KMT2C: variants seen among roughly 807,000 people sequenced by gnomAD.
KMT2C encodes lysine methyltransferase 2C.
Under a neutral mutation model 507.9 loss-of-function variants are expected in KMT2C, and 88 were observed. The observed-to-expected ratio is 0.17, with a 90% CI of 0.15 to 0.21. KMT2C has a LOEUF of 0.21. Among genes scored for constraint, KMT2C ranks in the 10% least tolerant of loss-of-function variants. KMT2C has a pLI of 1.00. For synonymous variants in KMT2C, 2,049 were observed against 2,080.8 expected (o/e 0.98, Z 0.42); for missense variants, 4,954 against 5,957.8 (o/e 0.83, Z 5.55).
chr7:152,229,147 T>C lies in KMT2C; in HGVS notation c.2976+776A>G, dbSNP rs528093979. On this transcript the variant is annotated intron_variant, in intron 18 of 58. Coordinates refer to ENST00000262189, the MANE Select transcript of KMT2C (RefSeq NM_170606.3). ...ATGGTTCACAACCTGTTACTGAAAC[T>C]GAGGTTAGTATTTATATTACATGGT... Among the ~76,000 whole-genome samples the C allele has an allele frequency of 4.6e-5, 7 of 152,292 alleles. No homozygotes were observed. The East Asian group carries it at 1.3e-3, about 29-fold the overall frequency.
At chr7:152,384,585 C>CACTAAAACCACA (rs2097405737) in intron 1 of KMT2C, among the ~76,000 whole-genome samples, 2 of 149,858 alleles carry the variant, frequency 1.3e-5, no homozygotes, top group African/African-American at 4.9e-5. Context: ...CCACCACCAC[C>CACTAAAACCACA]ACCACCACCA....
chr7:152,220,477 C>T (rs1366402311), intron 23 of KMT2C, 46 bp downstream of exon 23: 2 of 1,404,360 alleles, frequency 1.4e-6, no homozygotes, highest in Admixed American at 1.7e-5. Flanking sequence ...ACTTTATATG[C>T]TTTAATTCTT....
intron 14 of KMT2C, among the ~76,000 whole-genome samples, chr7:152,243,417 A>G (rs1243420663): frequency 6.6e-6 from 1 of 152,186 alleles, no homozygotes; most frequent in Non-Finnish European, 1.5e-5. Context: ...ATATAAAGTA[A>G]ACTTCTTATA....
intron 6 of KMT2C, among the ~76,000 whole-genome samples, chr7:152,304,690 T>C (rs1164376622): frequency 6.6e-6 from 1 of 152,042 alleles, no homozygotes; most frequent in Non-Finnish European, 1.5e-5. Flanking sequence ...ATAATAAAGG[T>C]CAGCAAATTT....
At chr7:152,170,841 T>G (rs1398825025) in intron 40 of KMT2C, among the ~76,000 whole-genome samples, 1 of 152,176 alleles carries the variant, frequency 6.6e-6, no homozygotes, top group South Asian at 2.1e-4. Context: ...TTAAATATAA[T>G]GGGTTTAATT....
At chr7:152,174,563 A>G (rs2093109980) in intron 38 of KMT2C, among the ~76,000 whole-genome samples, 1 of 152,226 alleles carries the variant, frequency 6.6e-6, no homozygotes, top group African/African-American at 2.4e-5. Flanking sequence ...TAAATATAAC[A>G]TCACAAATAA....
At chr7:152,201,295 C>CACAGACACAG (rs1554522603) in intron 26 of KMT2C, among the ~76,000 whole-genome samples, 1 of 89,946 alleles carries the variant, frequency 1.1e-5, no homozygotes, top group South Asian at 3.5e-4. Flanking sequence ...CAGACACAGA[C>CACAGACACAG]ACACACACAC....
intron 1 of KMT2C, among the ~76,000 whole-genome samples, chr7:152,428,266 A>C (rs1322887535): frequency 6.6e-6 from 1 of 152,064 alleles, no homozygotes; most frequent in Non-Finnish European, 1.5e-5. Flanking sequence ...GTATAGGCGC[A>C]AATACCGTTT....
chr7:152,262,672 G>T (rs1358898499), intron 9 of KMT2C, among the ~76,000 whole-genome samples: 3 of 152,192 alleles, frequency 2.0e-5, no homozygotes, highest in Non-Finnish European at 4.4e-5. Flanking sequence ...ATTACACTGA[G>T]TTAAAGAAGC....
chr7:152,229,419 C>T (rs1334172094), intron 18 of KMT2C, among the ~76,000 whole-genome samples: 2 of 152,184 alleles, frequency 1.3e-5, no homozygotes, highest in Non-Finnish European at 2.9e-5. Flanking sequence ...AGCCTCTATC[C>T]TGAAATGCTT....
At chr7:152,230,159 T>C in intron 17 of KMT2C, 61 bp downstream of exon 17, 1 of 1,080,384 alleles carries the variant, frequency 9.3e-7, no homozygotes, top group South Asian at 1.4e-5. Context: ...GTATATGAGA[T>C]AAAGCAGAAA....
At chr7:152,166,800 TAA>T (rs1001439789) in intron 42 of KMT2C, among the ~76,000 whole-genome samples, 2 of 152,178 alleles carry the variant, frequency 1.3e-5, no homozygotes, top group African/African-American at 4.8e-5. Context: ...CAATGATGTA[TAA>T]CAGAAACATG....
intron 2 of KMT2C, among the ~76,000 whole-genome samples, chr7:152,353,038 CTT>C: frequency 6.6e-6 from 1 of 152,188 alleles, no homozygotes; most frequent in Non-Finnish European, 1.5e-5. Flanking sequence ...AAAAGTTTCT[CTT>C]CTCTTCAAGT....
chr7:152,176,655 C>T lies in KMT2C; in HGVS notation c.8798G>A (p.Arg2933Lys). 1 of 1,614,162 alleles carries T rather than the reference C, an allele frequency of 6.2e-7. No individual in the cohort carries two copies. Among genetic ancestry groups the T allele is most frequent in the Non-Finnish European group, 8.5e-7 (1 of 1,180,032 alleles). Residue 2933 changes from arginine to lysine, a missense_variant, in exon 38 of 59, where the codon AGG becomes AAG. This residue lies in a region of KMT2C where 1,689 missense variants were observed against 1,654.3 expected (regional missense o/e 1.02). Coordinates refer to ENST00000262189, the MANE Select transcript of KMT2C (RefSeq NM_170606.3). Reference sequence around the variant, plus strand: ...TGGTGGTGGTGGAGACCCCGATGGCCTAATGTCTGAATTATCAGATTTCTC... The same window carrying T: ...TGGTGGTGGTGGAGACCCCGATGGCTTAATGTCTGAATTATCAGATTTCTC... ...ANEKSDNSDI[R>K]PSGSPPPPTL... is the part of the protein sequence containing the mutation.
intron 1 of KMT2C, among the ~76,000 whole-genome samples, chr7:152,379,916 C>T (rs2097357711): frequency 6.6e-6 from 1 of 152,218 alleles, no homozygotes; most frequent in Non-Finnish European, 1.5e-5. Context: ...GGCAACACAG[C>T]GAGACCCCAG....
chr7:152,389,478 CTTTT>C (rs34188557), intron 1 of KMT2C, among the ~76,000 whole-genome samples: 19 of 128,496 alleles, frequency 1.5e-4, no homozygotes, highest in African/African-American at 3.8e-4. Flanking sequence ...TAATTATTTA[CTTTT>C]TTTTTTTTTA....
chr7:152,255,121 A>ATG (rs1282449274), intron 9 of KMT2C, among the ~76,000 whole-genome samples: 4 of 110,508 alleles, frequency 3.6e-5, no homozygotes, highest in Non-Finnish European at 5.1e-5. Flanking sequence ...ATATATATAT[A>ATG]TATATATATA....
rs2129108534 is a variant in KMT2C at position 152,171,286 on chromosome 7, A to G, written c.9431T>C (p.Leu3144Pro). The G allele has an allele frequency of 6.2e-7, 1 of 1,609,538 alleles. No individual in the cohort carries two copies. The highest frequency in any genetic ancestry group is 1.1e-5 in the South Asian group (1 of 89,940). The change falls in exon 40 of 59, where the codon CTT (leucine) becomes CCT (proline). Residue 3144 changes from leucine (L) to proline (P), a missense_variant. Around this residue, in one of 29 missense-constraint regions of KMT2C, gnomAD observed 1,689 missense variants for 1,654.3 expected, o/e 1.02. Transcript: ENST00000262189. Reference protein sequence around the residue: ...TGTQNSEGQNLGPQAIPQDGS... With the variant: ...TGTQNSEGQNPGPQAIPQDGS... ...TACCTGAGGAATGGCCTGTGGTCCA[A>G]GGTTCTGTCCTTCACTGTTCTGTGT... is the stretch of plus-strand genomic sequence containing the variant.
intron 2 of KMT2C, among the ~76,000 whole-genome samples, chr7:152,344,918 C>T (rs577833577): frequency 1.3e-5 from 2 of 151,970 alleles, no homozygotes; most frequent in Non-Finnish European, 2.9e-5. Flanking sequence ...ACCCAGGAGG[C>T]GGAGCTTGCA....
Sources: gnomAD v4.1 joint callset for allele counts (sites outside exome capture counted in the v4.1 genomes callset) on GRCh38, gnomAD v4.1.1 for gene constraint, gnomAD v4.1.1 regional missense constraint, MANE v1.5 for transcripts, NCBI Gene and HGNC (gene_info 2026-07-23, HGNC 2026-07-21) for gene names.